The following PKN2 variants were observed in gnomAD, a reference collection of about 807,000 sequenced individuals.
The protein encoded by PKN2 is protein kinase N2, also known as serine/threonine-protein kinase N2.
Under a neutral mutation model 119.1 loss-of-function variants are expected in PKN2, and 38 were observed. The ratio of observed to expected loss-of-function variants is 0.32; its 90% CI spans 0.25 to 0.42. The LOEUF (loss-of-function observed/expected upper bound fraction) is 0.42, where lower values mean the gene tolerates loss of function less well. PKN2 is among the 10% of genes least tolerant of loss of function. The pLI is 1.00. For synonymous variants in PKN2, 390 were observed against 384.9 expected (o/e 1.01, Z -0.15); for missense variants, 850 against 1,165.1 (o/e 0.73, Z 3.94).
chr1:88,691,802 A>C (rs962581526), intron 1 of PKN2, among the ~76,000 whole-genome samples: 1 of 152,236 alleles, frequency 6.6e-6, no homozygotes, highest in Non-Finnish European at 1.5e-5. Flanking sequence ...ATAGTACTAT[A>C]AGATATTTAT....
At chr1:88,830,128 C>T (rs967753539) in intron 19 of PKN2, among the ~76,000 whole-genome samples, 3 of 152,116 alleles carry the variant, frequency 2.0e-5, no homozygotes, top group Non-Finnish European at 4.4e-5. Flanking sequence ...AGATTAATGA[C>T]TTGCTTAAAG....
At chr1:88,815,392 C>A in intron 16 of PKN2, 1 of 310,380 alleles carries the variant, frequency 3.2e-6, no homozygotes, top group Non-Finnish European at 6.2e-6. Context: ...GCTAAAATAT[C>A]ACATCACTAA....
In PKN2 at chr1:88,703,494, A is replaced by T. The variant is rs544495471; in HGVS notation, c.48+18866A>T. Among the ~76,000 whole-genome samples, 12 of 152,302 alleles carry T rather than the reference A, an allele frequency of 7.9e-5. No individual in the cohort carries two copies. In the South Asian group the frequency reaches 2.5e-3, roughly 32 times the overall value. ...GTAAAGTTACTTGCCTATGTTACAA[A>T]GCAAGTTAGCCCAACTGGCATTTGA... On this transcript the variant is annotated intron_variant, in intron 1 of 21. Coordinates refer to ENST00000370521, the MANE Select transcript of PKN2 (RefSeq NM_006256.4).
At chr1:88,757,898 C>T (rs1019681965) in intron 2 of PKN2, among the ~76,000 whole-genome samples, 3 of 151,228 alleles carry the variant, frequency 2.0e-5, no homozygotes, top group African/African-American at 4.9e-5. Context: ...AAAAATTAGC[C>T]GGGCGTGGTG....
intron 1 of PKN2, 121 bp downstream of exon 1, chr1:88,684,749 A>G (rs1370108372): frequency 1.1e-5 from 9 of 803,764 alleles, no homozygotes; most frequent in Non-Finnish European, 1.6e-5. Context: ...AAGTGCGGAA[A>G]CTCCGGGATG....
chr1:88,780,822 G>T (rs1055969493), intron 6 of PKN2, among the ~76,000 whole-genome samples: 2 of 151,488 alleles, frequency 1.3e-5, no homozygotes, highest in Non-Finnish European at 2.9e-5. Context: ...AAATAAGGTT[G>T]TCAAATATTT....
intron 2 of PKN2, among the ~76,000 whole-genome samples, chr1:88,754,968 C>A (rs1669142534): frequency 6.6e-6 from 1 of 152,056 alleles, no homozygotes; most frequent in Non-Finnish European, 1.5e-5. Context: ...AATACTTTTT[C>A]AGTAATATTA....
At chr1:88,824,427 A>G in intron 18 of PKN2, 41 bp downstream of exon 18, 1 of 1,150,656 alleles carries the variant, frequency 8.7e-7, no homozygotes, top group Non-Finnish European at 1.3e-6. Flanking sequence ...ATTCAGAATT[A>G]CTGTTTCTTT....
chr1:88,756,810 A>G (rs1475561944), intron 2 of PKN2, among the ~76,000 whole-genome samples: 1 of 152,192 alleles, frequency 6.6e-6, no homozygotes, highest in African/African-American at 2.4e-5. Context: ...GTTAATATTT[A>G]TTGCATATTT....
chr1:88,802,055 G>T (rs1038462019), intron 8 of PKN2, among the ~76,000 whole-genome samples: 6 of 152,214 alleles, frequency 3.9e-5, no homozygotes, highest in African/African-American at 1.4e-4. Flanking sequence ...GCTAAGACTT[G>T]CCTGGGCCTG....
At position 88,741,039 on chromosome 1, in the gene PKN2, T is replaced by C. The variant is rs988284278; in HGVS notation, c.100T>C (p.Leu34=). The C allele has an allele frequency of 2.5e-6, 4 of 1,595,450 alleles. No individual in the cohort carries two copies. The highest frequency in any genetic ancestry group is 1.7e-4 in the Middle Eastern group (1 of 5,962). ...FSENVSAVQK[L]DFSDTMVQQK... ...TGAGAATGTGAGTGCTGTTCAAAAA[T>C]TAGACTTTTCAGATACAATGGTGCA... Residue 34 remains leucine, a synonymous_variant, in exon 2 of 22, where the codon TTA becomes CTA. Transcript: ENST00000370521.
chr1:88,732,739 T>A (rs1466842907), intron 1 of PKN2, among the ~76,000 whole-genome samples: 1 of 152,232 alleles, frequency 6.6e-6, no homozygotes, highest in Non-Finnish European at 1.5e-5. Flanking sequence ...ACACTATTTT[T>A]AAATTTCTTG....
intron 1 of PKN2, among the ~76,000 whole-genome samples, chr1:88,725,124 A>G (rs1392768765): frequency 6.6e-6 from 1 of 151,782 alleles, no homozygotes; most frequent in South Asian, 2.1e-4. Context: ...CCTTTTCCCC[A>G]TGTACCCGTT....
chr1:88,732,064 G>A (rs1668162523), intron 1 of PKN2, among the ~76,000 whole-genome samples: 1 of 152,146 alleles, frequency 6.6e-6, no homozygotes, highest in Non-Finnish European at 1.5e-5. Flanking sequence ...TAATTACAAT[G>A]TACTGTGTAG....
chr1:88,790,262 G>T (rs1481353379), intron 8 of PKN2, among the ~76,000 whole-genome samples: 1 of 152,166 alleles, frequency 6.6e-6, no homozygotes, highest in Non-Finnish European at 1.5e-5. Context: ...TCATGCTGGT[G>T]AATCATATCC....
intron 16 of PKN2, among the ~76,000 whole-genome samples, chr1:88,813,999 G>A (rs948665564): frequency 2.0e-4 from 31 of 151,844 alleles, no homozygotes; most frequent in African/African-American, 7.0e-4. Context: ...TTCTTTTTTT[G>A]CTATTAGATT....
At chr1:88,696,190 C>T (rs1239322459) in intron 1 of PKN2, among the ~76,000 whole-genome samples, 1 of 152,152 alleles carries the variant, frequency 6.6e-6, no homozygotes, top group African/African-American at 2.4e-5. Context: ...TATTTGTAGC[C>T]TATTTTCCCA....
intron 1 of PKN2, among the ~76,000 whole-genome samples, chr1:88,735,949 T>C (rs929030090): frequency 3.3e-5 from 5 of 152,160 alleles, no homozygotes; most frequent in Non-Finnish European, 5.9e-5. Flanking sequence ...CAATTCCCTC[T>C]TGAAGCCCAG....
At chr1:88,793,998 T>G (rs1233621502) in intron 8 of PKN2, among the ~76,000 whole-genome samples, 1 of 152,220 alleles carries the variant, frequency 6.6e-6, no homozygotes. Context: ...TAAACTTCTT[T>G]GAACTCCTGA....
Sources: gnomAD v4.1 joint callset for allele counts (sites outside exome capture counted in the v4.1 genomes callset) on GRCh38, gnomAD v4.1.1 for gene constraint, MANE v1.5 for transcripts, NCBI Gene and HGNC (gene_info 2026-07-23, HGNC 2026-07-21) for gene names.